Variants in SH3GL3 observed in about 807,000 individuals in gnomAD.
SH3GL3 encodes endophilin-A3.
A neutral mutation model predicts 47.7 loss-of-function variants in SH3GL3; 33 were observed. The observed-to-expected ratio is 0.69, with a 90% CI of 0.52 to 0.92. SH3GL3 has a LOEUF of 0.92. SH3GL3 is among the 40% of genes least tolerant of loss of function. The probability of loss-of-function intolerance (pLI) is 0.00; values close to 1 mark genes in which losing one functional copy is unlikely to be tolerated. For synonymous variants in SH3GL3, 155 were observed against 148.8 expected (o/e 1.04, Z -0.30); for missense variants, 363 against 417.8 (o/e 0.87, Z 1.14).
rs889490134 is a variant in SH3GL3 at position 83,448,442 on chromosome 15, A to ATTGTGTGTGTG, written c.45+865_45+866insTGTGTGTGTGT. 2.1e-5 allele frequency among the ~76,000 whole-genome samples: 3 copies of ATTGTGTGTGTG among 140,642 alleles called. No homozygotes were observed. The highest frequency in any genetic ancestry group is 8.3e-5 in the African/African-American group (3 of 36,308). The allele number at this position is 140,642 out of a possible 152,430, so 92.3% of individuals were successfully genotyped here. ...AAACAGGAGGGGAGACATGAAATTG[A>ATTGTGTGTGTG]TGTGTGTGTGTGTGTGTGTGTGTGT... On this transcript the variant is annotated intron_variant, in intron 1 of 8. Coordinates refer to ENST00000427482, the MANE Select transcript of SH3GL3 (RefSeq NM_003027.5). The surrounding 1 kb of genome is among the most constrained non-coding windows in gnomAD (Gnocchi z 4.2).
At chr15:83,526,053 T>C (rs2043407358) in intron 1 of SH3GL3, among the ~76,000 whole-genome samples, 1 of 152,152 alleles carries the variant, frequency 6.6e-6, no homozygotes, top group Non-Finnish European at 1.5e-5. Context: ...TCTATTTCTA[T>C]AAAAAATGTC....
intron 1 of SH3GL3, among the ~76,000 whole-genome samples, chr15:83,499,469 CAATT>C (rs2042212775): frequency 6.6e-6 from 1 of 151,238 alleles, no homozygotes; most frequent in Non-Finnish European, 1.5e-5. Flanking sequence ...TTAAATCCCT[CAATT>C]AATACTATTT....
chr15:83,621,906 C>T (rs2060916678), downstream of SH3GL3, among the ~76,000 whole-genome samples: 1 of 152,122 alleles, frequency 6.6e-6, no homozygotes, highest in Admixed American at 6.6e-5. Flanking sequence ...GTAACCTAAG[C>T]CAGGTTCCCC....
At chr15:83,520,433 G>C (rs1009099341) in intron 1 of SH3GL3, among the ~76,000 whole-genome samples, 1 of 152,174 alleles carries the variant, frequency 6.6e-6, no homozygotes, top group Non-Finnish European at 1.5e-5. Flanking sequence ...AGTAATTTGC[G>C]TGTGGTGAGA....
chr15:83,486,792 G>A (rs1292327383), intron 1 of SH3GL3, among the ~76,000 whole-genome samples: 1 of 152,170 alleles, frequency 6.6e-6, no homozygotes, highest in Non-Finnish European at 1.5e-5. Flanking sequence ...TATGGAGGCT[G>A]GGAAGTCCAA....
chr15:83,620,471 T>C (rs116410466), downstream of SH3GL3, among the ~76,000 whole-genome samples: 1,905 of 152,334 alleles, frequency 0.013, 39 homozygotes, highest in African/African-American at 0.039. Context: ...GTTATGTTAG[T>C]AGGCATGAAA....
chr15:83,579,074 C>T (rs949947970), intron 6 of SH3GL3, among the ~76,000 whole-genome samples: 1 of 152,172 alleles, frequency 6.6e-6, no homozygotes, highest in Admixed American at 6.5e-5. Context: ...CCTCAGTTTT[C>T]CCCCTCAGTA....
At chr15:83,539,334 T>C (rs1310977504) in intron 1 of SH3GL3, among the ~76,000 whole-genome samples, 3 of 152,196 alleles carry the variant, frequency 2.0e-5, no homozygotes, top group African/African-American at 4.8e-5. Context: ...TGTGTCCCTG[T>C]ATGGTGGAAG....
At chr15:83,551,340 C>A (rs1233289117) in intron 1 of SH3GL3, among the ~76,000 whole-genome samples, 1 of 152,108 alleles carries the variant, frequency 6.6e-6, no homozygotes, top group African/African-American at 2.4e-5. Context: ...TGAGTAGCCA[C>A]CCATTTGTAT....
intron 8 of SH3GL3, among the ~76,000 whole-genome samples, chr15:83,616,103 T>TA (rs2060805487): frequency 6.6e-6 from 1 of 152,106 alleles, no homozygotes; most frequent in Admixed American, 6.6e-5. Flanking sequence ...AAGTTGGGAA[T>TA]AATGTTTGTA....
intron 1 of SH3GL3, among the ~76,000 whole-genome samples, chr15:83,467,577 G>GT (rs1418781489): frequency 1.4e-4 from 22 of 152,190 alleles, no homozygotes; most frequent in Non-Finnish European, 3.1e-4. Flanking sequence ...TCTTGCTGGA[G>GT]TTTTGATAGG....
intron 6 of SH3GL3, among the ~76,000 whole-genome samples, chr15:83,583,333 G>T (rs2059880458): frequency 6.6e-6 from 1 of 152,166 alleles, no homozygotes; most frequent in Non-Finnish European, 1.5e-5. Flanking sequence ...TAAAGGGTCA[G>T]AGGAGGAGGG....
intron 1 of SH3GL3, among the ~76,000 whole-genome samples, chr15:83,487,617 G>T (rs2041665630): frequency 6.6e-6 from 1 of 152,038 alleles, no homozygotes; most frequent in South Asian, 2.1e-4. Flanking sequence ...TCAGACTGTT[G>T]TGTTTCTCCT....
chr15:83,480,129 C>A (rs925573692), intron 1 of SH3GL3, among the ~76,000 whole-genome samples: 1 of 151,852 alleles, frequency 6.6e-6, no homozygotes, highest in African/African-American at 2.4e-5. Flanking sequence ...AGATTATTTC[C>A]CCAATTTTTA....
At chr15:83,541,319 T>C in intron 1 of SH3GL3, among the ~76,000 whole-genome samples, 1 of 42,934 alleles carries the variant, frequency 2.3e-5, no homozygotes. Flanking sequence ...TCTATTTTTT[T>C]TTTTTTTTTT....
At chr15:83,529,098 G>A (rs1048813470) in intron 1 of SH3GL3, among the ~76,000 whole-genome samples, 1 of 152,200 alleles carries the variant, frequency 6.6e-6, no homozygotes, top group African/African-American at 2.4e-5. Flanking sequence ...GATTGTCTCA[G>A]TGGCCTGGCT....
intron 1 of SH3GL3, among the ~76,000 whole-genome samples, chr15:83,489,835 GCCGA>G (rs1243293765): frequency 2.4e-4 from 33 of 137,450 alleles, no homozygotes; most frequent in African/African-American, 8.3e-4. Context: ...ATTGTCAGAA[GCCGA>G]TAGATAGATA....
intron 5 of SH3GL3, among the ~76,000 whole-genome samples, chr15:83,574,681 C>T (rs1387970701): frequency 6.6e-6 from 1 of 152,192 alleles, no homozygotes; most frequent in African/African-American, 2.4e-5. Context: ...CCCTTCACAG[C>T]CTGGCCCCTC....
chr15:83,555,164 G>T (rs2044880739), intron 1 of SH3GL3, among the ~76,000 whole-genome samples: 1 of 151,652 alleles, frequency 6.6e-6, no homozygotes. Flanking sequence ...CCATCTATTG[G>T]GTTTTTCATT....
Sources: allele counts gnomAD v4.1 joint callset (sites outside exome capture counted in the v4.1 genomes callset), GRCh38; gene constraint gnomAD v4.1.1; non-coding constraint Gnocchi (gnomAD v3.1); transcripts MANE v1.5; gene names NCBI Gene and HGNC (gene_info 2026-07-23, HGNC 2026-07-21).